The following TMEM178B variants were observed in gnomAD, a reference collection of about 807,000 sequenced individuals.
The protein encoded by TMEM178B is transmembrane protein 178B.
In TMEM178B, 5 loss-of-function variants were observed where a neutral mutation model predicts 31.0. That is an observed-to-expected ratio of 0.16 (90% CI 0.08 to 0.34). The LOEUF (loss-of-function observed/expected upper bound fraction) is 0.34. Ranked by LOEUF, TMEM178B falls within the 10% of genes least tolerant of loss-of-function variation. The pLI, the probability that TMEM178B is intolerant of heterozygous loss-of-function variation, is 1.00. For synonymous variants in TMEM178B, 164 were observed against 164.0 expected (o/e 1.00, Z 0.00); for missense variants, 275 against 400.3 (o/e 0.69, Z 2.67).
chr7:141,494,148 T>C, the TMEM178B span, among the ~76,000 whole-genome samples: 2 of 152,238 alleles, frequency 1.3e-5, no homozygotes, highest in Non-Finnish European at 2.9e-5. Flanking sequence ...GTAGCTTCTA[T>C]CTCTACTTCA....
chr7:141,301,881 C>T (rs1160526384), intron 2 of TMEM178B, among the ~76,000 whole-genome samples: 1 of 152,174 alleles, frequency 6.6e-6, no homozygotes, highest in Admixed American at 6.5e-5. Context: ...GCAGTGAGCA[C>T]CCAAACAACT....
At chr7:141,369,315 ACGTGTGTGTG>A (rs1437448815) in intron 2 of TMEM178B, among the ~76,000 whole-genome samples, 65 of 108,866 alleles carry the variant, frequency 6.0e-4, no homozygotes, top group African/African-American at 2.4e-3. Context: ...CTCCGCGCCG[ACGTGTGTGTG>A]TGTGTGTGTG....
Position 141,211,655 on chromosome 7 carries a change from A to G in TMEM178B, c.383-936A>G, listed in dbSNP as rs190759991. Among the ~76,000 whole-genome samples, 116 of 152,284 alleles carry G rather than the reference A, an allele frequency of 7.6e-4. 1 individual carries two copies. The highest frequency in any genetic ancestry group is 2.7e-3 in the African/African-American group (113 of 41,558). The stretch of plus-strand genomic sequence containing the variant: ...CAATAGATATGGCTGCAAGAAACCA[A>G]AAGTAATGGGGGAAGAGCTCCCCAC... On this transcript the variant is annotated intron_variant, in intron 1 of 3. Coordinates refer to ENST00000565468, the MANE Select transcript of TMEM178B (RefSeq NM_001195278.2).
chr7:141,432,237 C>T (rs1373892690), intron 2 of TMEM178B, among the ~76,000 whole-genome samples: 4 of 148,620 alleles, frequency 2.7e-5, no homozygotes, highest in Non-Finnish European at 4.4e-5. Context: ...TCACTGCAAC[C>T]TCCACCTCCT....
chr7:141,397,456 C>G (rs1432267951), intron 2 of TMEM178B, among the ~76,000 whole-genome samples: 13 of 152,162 alleles, frequency 8.5e-5, no homozygotes, highest in Admixed American at 7.9e-4. Context: ...GAGCCACCAG[C>G]CTCCAACTTA....
chr7:141,455,115 T>C (rs531139866), intron 3 of TMEM178B, among the ~76,000 whole-genome samples: 8 of 152,298 alleles, frequency 5.3e-5, no homozygotes, highest in Middle Eastern at 3.4e-3. Flanking sequence ...GGGATTCTCA[T>C]TGAAAGAGAT....
chr7:141,081,967 T>A (rs1217250964), intron 1 of TMEM178B, among the ~76,000 whole-genome samples: 1 of 152,230 alleles, frequency 6.6e-6, no homozygotes, highest in Admixed American at 6.5e-5. Flanking sequence ...TTCGACTGCA[T>A]CTTTCCTATG....
At chr7:141,444,729 G>A (rs1398493800) in intron 3 of TMEM178B, among the ~76,000 whole-genome samples, 2 of 152,136 alleles carry the variant, frequency 1.3e-5, no homozygotes, top group African/African-American at 4.8e-5. Context: ...AGTGGCAGAT[G>A]AGAGCTGGAG....
At chr7:141,123,431 A>C (rs1795440620) in intron 1 of TMEM178B, among the ~76,000 whole-genome samples, 3 of 152,206 alleles carry the variant, frequency 2.0e-5, no homozygotes, top group South Asian at 4.1e-4. Context: ...TCTCCTCCTC[A>C]TCACATTATC....
intron 2 of TMEM178B, among the ~76,000 whole-genome samples, chr7:141,248,812 C>T (rs544060253): frequency 1.1e-4 from 17 of 152,258 alleles, no homozygotes; most frequent in South Asian, 6.2e-4. Flanking sequence ...TTCATAAGCA[C>T]GATACACTTA....
chr7:141,132,384 A>G (rs1053167054), intron 1 of TMEM178B, among the ~76,000 whole-genome samples: 4 of 152,266 alleles, frequency 2.6e-5, no homozygotes, highest in African/African-American at 7.2e-5. Flanking sequence ...ATATTTGTTT[A>G]ATGAAAGCAT....
At chr7:141,305,171 C>T (rs73737741) in intron 2 of TMEM178B, among the ~76,000 whole-genome samples, 2 of 152,126 alleles carry the variant, frequency 1.3e-5, no homozygotes, top group East Asian at 1.9e-4. Context: ...TTTCCAGCCT[C>T]GGGTTCTACC....
At chr7:141,389,664 A>C (rs773744464) in intron 2 of TMEM178B, among the ~76,000 whole-genome samples, 4 of 152,256 alleles carry the variant, frequency 2.6e-5, no homozygotes, top group Admixed American at 6.5e-5. Context: ...CAATAGAATG[A>C]CAGCCCCCTT....
intron 1 of TMEM178B, among the ~76,000 whole-genome samples, chr7:141,104,741 A>T (rs1197154440): frequency 6.6e-6 from 1 of 152,156 alleles, no homozygotes; most frequent in African/African-American, 2.4e-5. Flanking sequence ...GGGCTTGTAG[A>T]TGCTGTCTTC....
intron 3 of TMEM178B, among the ~76,000 whole-genome samples, chr7:141,460,483 G>T (rs56002330): frequency 6.6e-6 from 1 of 152,078 alleles, no homozygotes; most frequent in Non-Finnish European, 1.5e-5. Flanking sequence ...GGGTTTCAAC[G>T]TGAATTTTTC....
intron 1 of TMEM178B, among the ~76,000 whole-genome samples, chr7:141,196,629 C>G (rs933993957): frequency 2.0e-5 from 3 of 152,168 alleles, no homozygotes; most frequent in Admixed American, 1.3e-4. Context: ...GTTTAACTAA[C>G]CCATATAACC....
chr7:141,103,286 T>A (rs574051416), intron 1 of TMEM178B, among the ~76,000 whole-genome samples: 55 of 152,288 alleles, frequency 3.6e-4, no homozygotes, highest in African/African-American at 1.3e-3. Flanking sequence ...AGAGGGGCAG[T>A]TGATAGTGGA....
At chr7:141,442,608 T>C (rs1317031862) in intron 3 of TMEM178B, among the ~76,000 whole-genome samples, 1 of 152,198 alleles carries the variant, frequency 6.6e-6, no homozygotes, top group East Asian at 1.9e-4. Context: ...AAAGTTTTAC[T>C]TCAAGGCCCT....
rs188058808 is a variant in TMEM178B at position 141,269,881 on chromosome 7, A to G, written c.496+57177A>G. On this transcript the variant is annotated intron_variant, in intron 2 of 3. Transcript: ENST00000565468. Reference sequence around the variant, plus strand: ...GGGGTTCAAGACCAGCCTGGCCAACATGGTGAAACCCCATCTCTACTAAAA... The same window carrying G: ...GGGGTTCAAGACCAGCCTGGCCAACGTGGTGAAACCCCATCTCTACTAAAA... Among the ~76,000 whole-genome samples, 107 of 152,262 alleles carry G rather than the reference A, an allele frequency of 7.0e-4. 1 individual carries two copies. Among genetic ancestry groups the G allele is most frequent in the African/African-American group, 2.5e-3 (104 of 41,556 alleles).
Sources: gnomAD v4.1 joint callset for allele counts (sites outside exome capture counted in the v4.1 genomes callset) on GRCh38, gnomAD v4.1.1 for gene constraint, MANE v1.5 for transcripts, NCBI Gene and HGNC (gene_info 2026-07-23, HGNC 2026-07-21) for gene names.